KCNMA1: variants seen among roughly 807,000 people sequenced by gnomAD.
KCNMA1 encodes the protein Calcium-activated potassium channel subunit alpha-1.
A neutral mutation model predicts 140.0 loss-of-function variants in KCNMA1; 29 were observed. That is an observed-to-expected ratio of 0.21 (90% CI 0.15 to 0.28). The LOEUF (loss-of-function observed/expected upper bound fraction) is 0.28, where lower values mean the gene tolerates loss of function less well. Ranked by LOEUF, KCNMA1 falls within the 10% of genes least tolerant of loss-of-function variation. The probability of loss-of-function intolerance (pLI) is 1.00; values close to 1 mark genes in which losing one functional copy is unlikely to be tolerated. For missense variants in KCNMA1, 880 were observed against 1,602.2 expected (o/e 0.55, Z 7.70); for synonymous variants, 612 against 611.9 (o/e 1.00, Z 0.00).
intron 6 of KCNMA1, among the ~76,000 whole-genome samples, chr10:77,119,255 T>C (rs2097546154): frequency 6.6e-6 from 1 of 152,198 alleles, no homozygotes; most frequent in Non-Finnish European, 1.5e-5. Flanking sequence ...GATATTCAGA[T>C]GGTCCATCAT....
At chr10:77,042,414 G>A (rs61868826) in intron 14 of KCNMA1, among the ~76,000 whole-genome samples, 63,966 of 152,062 alleles carry the variant, frequency 0.42, 15,247 homozygotes, top group Non-Finnish European at 0.54. Flanking sequence ...TTGGGAAACA[G>A]TATTAACATA....
chr10:76,928,754 G>A (rs2058481439), intron 23 of KCNMA1, among the ~76,000 whole-genome samples: 1 of 152,078 alleles, frequency 6.6e-6, no homozygotes, highest in Non-Finnish European at 1.5e-5. Flanking sequence ...CATCTTAAAG[G>A]AGCCGATCAA....
intron 3 of KCNMA1, among the ~76,000 whole-genome samples, chr10:77,186,899 C>T (rs2098866176): frequency 6.6e-6 from 1 of 151,952 alleles, no homozygotes; most frequent in Non-Finnish European, 1.5e-5. Flanking sequence ...CGGGGACTCA[C>T]ATAGCTGTGC....
chr10:77,479,881 T>C (rs968503294), intron 1 of KCNMA1, among the ~76,000 whole-genome samples: 3 of 152,232 alleles, frequency 2.0e-5, no homozygotes, highest in African/African-American at 7.2e-5. Context: ...TTCCCTCAAT[T>C]GGACTGTTAG....
intron 9 of KCNMA1, among the ~76,000 whole-genome samples, chr10:77,104,608 A>G (rs1431206977): frequency 6.6e-6 from 1 of 152,214 alleles, no homozygotes; most frequent in Non-Finnish European, 1.5e-5. Context: ...GAGTCACTCA[A>G]GTCCCAACAT....
intron 1 of KCNMA1, among the ~76,000 whole-genome samples, chr10:77,463,029 G>A (rs934756214): frequency 5.3e-5 from 8 of 152,156 alleles, no homozygotes; most frequent in Non-Finnish European, 1.0e-4. Context: ...GTGGGGAGAA[G>A]GTGGAAGAAA....
chr10:77,161,616 C>G (rs1021450574), intron 5 of KCNMA1, among the ~76,000 whole-genome samples: 1 of 152,146 alleles, frequency 6.6e-6, no homozygotes, highest in Non-Finnish European at 1.5e-5. Flanking sequence ...ACACTAGGTT[C>G]CATCATTCAA....
chr10:77,325,025 G>A (rs1702836944), intron 2 of KCNMA1, among the ~76,000 whole-genome samples: 1 of 151,042 alleles, frequency 6.6e-6, no homozygotes, highest in Non-Finnish European at 1.5e-5. Context: ...GAGAAAGAGA[G>A]TGAGATTGAT....
At chr10:76,925,719 T>C (rs10740463) in intron 23 of KCNMA1, among the ~76,000 whole-genome samples, 116,197 of 152,120 alleles carry the variant, frequency 0.76, 45,119 homozygotes, top group South Asian at 0.89. Context: ...ACATTTAAAA[T>C]ACCAAATGCC....
intron 2 of KCNMA1, among the ~76,000 whole-genome samples, chr10:77,352,772 A>G (rs1011045058): frequency 7.2e-5 from 11 of 152,236 alleles, no homozygotes; most frequent in Admixed American, 4.6e-4. Flanking sequence ...AGGTTTTATC[A>G]AAAGACATTT....
chr10:76,933,279 T>C lies in KCNMA1; in HGVS notation c.2902+11494A>G, dbSNP rs181185184. Among the ~76,000 whole-genome samples the C allele has an allele frequency of 6.2e-4, 94 of 152,278 alleles. 1 individual carries two copies. In the East Asian group the frequency reaches 0.015, roughly 24 times the overall value. On this transcript the variant is annotated intron_variant, in intron 23 of 27. Transcript: ENST00000286628. ...ATTAAATCATGTATTCATGTATCCA[T>C]CCCCTCCACAAACCTCTACTGAGTG...
intron 19 of KCNMA1, chr10:76,977,592 A>G (rs577525754): frequency 2.8e-6 from 2 of 702,858 alleles, no homozygotes; most frequent in East Asian, 5.4e-5. Flanking sequence ...ATCTTCTCAC[A>G]TTTCCCTTGC....
chr10:77,389,564 G>A lies in KCNMA1; in HGVS notation c.540+14298C>T, dbSNP rs543849803. The stretch of plus-strand genomic sequence containing the variant: ...AAGGAGGCTCTTCCAGTCAAATTTG[G>A]GGCTAGTGGGGTCACCACGTTTGAT... On this transcript the variant is annotated intron_variant, in intron 2 of 27. Transcript: ENST00000286628. 5.3e-5 allele frequency among the ~76,000 whole-genome samples: 8 copies of A among 152,184 alleles called. No individual in the cohort carries two copies. In the East Asian group the frequency reaches 1.5e-3, roughly 29 times the overall value.
intron 18 of KCNMA1, among the ~76,000 whole-genome samples, chr10:77,005,694 C>A (rs2088282925): frequency 6.6e-6 from 1 of 152,148 alleles, no homozygotes; most frequent in Admixed American, 6.5e-5. Flanking sequence ...AGACCTAGGT[C>A]CTGGCAGTTT....
chr10:76,935,651 C>T (rs1404757498), intron 23 of KCNMA1, among the ~76,000 whole-genome samples: 4 of 152,132 alleles, frequency 2.6e-5, no homozygotes, highest in African/African-American at 9.7e-5. Context: ...AAGGCATTAA[C>T]CAGGCACACA....
At chr10:77,083,635 C>T (rs1236188241) in intron 12 of KCNMA1, among the ~76,000 whole-genome samples, 4 of 151,848 alleles carry the variant, frequency 2.6e-5, no homozygotes, top group South Asian at 4.2e-4. Flanking sequence ...TTGAGATCAG[C>T]CTGGGCAACA....
At chr10:77,069,573 T>A (rs1329204734) in intron 14 of KCNMA1, among the ~76,000 whole-genome samples, 1 of 152,094 alleles carries the variant, frequency 6.6e-6, no homozygotes, top group African/African-American at 2.4e-5. Context: ...AGTTAAGAAA[T>A]TCATTACCCC....
At position 77,060,271 on chromosome 10, in the gene KCNMA1, A is replaced by T. The variant is rs80350498; in HGVS notation, c.1749+12826T>A. 2.6e-5 allele frequency among the ~76,000 whole-genome samples: 4 copies of T among 152,338 alleles called. No homozygotes were observed. The East Asian group carries it at 7.7e-4, about 29-fold the overall frequency. On this transcript the variant is annotated intron_variant, in intron 14 of 27. Transcript: ENST00000286628. ...ATAGCCAAAGCAATTTTGAAAAAGA[A>T]TACATTTGGAGGACTCAAACTTTGT...
At chr10:77,382,849 G>C (rs2095438523) in intron 2 of KCNMA1, among the ~76,000 whole-genome samples, 1 of 82,974 alleles carries the variant, frequency 1.2e-5, no homozygotes, top group African/African-American at 5.2e-5. Context: ...TGGGAGACAA[G>C]AGCAAAGCTC....
Sources: gnomAD v4.1 joint callset for allele counts (sites outside exome capture counted in the v4.1 genomes callset) on GRCh38, gnomAD v4.1.1 for gene constraint, MANE v1.5 for transcripts, NCBI Gene and HGNC (gene_info 2026-07-23, HGNC 2026-07-21) for gene names.